The following PDGFC variants were observed in gnomAD, a reference collection of about 807,000 sequenced individuals.
The protein encoded by PDGFC is platelet-derived growth factor C.
PDGFC carries 12 observed loss-of-function variants against 35.5 expected under a neutral mutation model. The observed-to-expected ratio is 0.34, with a 90% CI of 0.22 to 0.55. The LOEUF (loss-of-function observed/expected upper bound fraction) is 0.55. Among genes scored for constraint, PDGFC ranks in the 20% least tolerant of loss-of-function variants. PDGFC has a pLI of 0.91. For missense variants in PDGFC, 322 were observed against 412.4 expected, an observed-to-expected ratio of 0.78 and a Z score of 1.90; for synonymous variants, 159 against 148.8, an observed-to-expected ratio of 1.07 and a Z score of -0.50.
At chr4:156,878,661 T>A (rs1029897476) in intron 1 of PDGFC, among the ~76,000 whole-genome samples, 3 of 152,156 alleles carry the variant, frequency 2.0e-5, no homozygotes, top group Non-Finnish European at 4.4e-5. Flanking sequence ...TATACTCCAA[T>A]GAGAATTTCC....
intron 1 of PDGFC, among the ~76,000 whole-genome samples, chr4:156,955,420 G>C (rs191462782): frequency 7.4e-4 from 112 of 152,110 alleles, no homozygotes; most frequent in African/African-American, 2.7e-3. Context: ...AACTACGTGA[G>C]GTGATGGATA....
chr4:156,918,245 A>G (rs999167121), intron 1 of PDGFC, among the ~76,000 whole-genome samples: 2 of 152,242 alleles, frequency 1.3e-5, no homozygotes, highest in African/African-American at 4.8e-5. Flanking sequence ...TTTAAATTAA[A>G]TTCTCACTCA....
chr4:156,860,044 C>T (rs1201661405), intron 1 of PDGFC, among the ~76,000 whole-genome samples: 1 of 152,066 alleles, frequency 6.6e-6, no homozygotes, highest in Non-Finnish European at 1.5e-5. Context: ...GACAGTGGTA[C>T]TAAAAGAGGA....
intron 1 of PDGFC, among the ~76,000 whole-genome samples, chr4:156,969,133 T>C (rs1177373667): frequency 2.0e-5 from 3 of 152,068 alleles, no homozygotes; most frequent in Non-Finnish European, 4.4e-5. Context: ...ACAGGAACAA[T>C]AAAAAACAGA....
At chr4:156,777,459 A>G (rs1026134195) in intron 3 of PDGFC, among the ~76,000 whole-genome samples, 9 of 152,168 alleles carry the variant, frequency 5.9e-5, no homozygotes, top group African/African-American at 1.9e-4. Flanking sequence ...ACCCTAATCT[A>G]ACATGATTGG....
At chr4:156,921,900 C>T (rs1417896844) in intron 1 of PDGFC, among the ~76,000 whole-genome samples, 2 of 152,170 alleles carry the variant, frequency 1.3e-5, no homozygotes, top group Admixed American at 1.3e-4. Context: ...TGACAACACA[C>T]ACACACACAA....
chr4:156,926,049 C>CA (rs397707839), intron 1 of PDGFC, among the ~76,000 whole-genome samples: 34,176 of 67,628 alleles, frequency 0.51, 8,455 homozygotes, highest in Non-Finnish European at 0.56. Flanking sequence ...AGATCTGTCT[C>CA]AAAAAAAAAA....
At chr4:156,827,623 T>C (rs1194823988) in intron 2 of PDGFC, among the ~76,000 whole-genome samples, 1 of 152,126 alleles carries the variant, frequency 6.6e-6, no homozygotes, top group East Asian at 1.9e-4. Flanking sequence ...TCTTAGTTTT[T>C]TTTTTCTTGT....
chr4:156,868,299 A>T (rs1218866619), intron 1 of PDGFC, among the ~76,000 whole-genome samples: 1 of 152,238 alleles, frequency 6.6e-6, no homozygotes, highest in African/African-American at 2.4e-5. Flanking sequence ...TATTTATGTA[A>T]TGCAAAATTA....
intron 2 of PDGFC, among the ~76,000 whole-genome samples, chr4:156,826,432 A>G (rs546900114): frequency 1.3e-5 from 2 of 151,968 alleles, no homozygotes; most frequent in African/African-American, 4.8e-5. Flanking sequence ...TGAACTCCTG[A>G]CCTCAGGTGG....
Position 156,846,056 on chromosome 4 carries a change from A to G in PDGFC, c.314+4165T>C, listed in dbSNP as rs115883593. On this transcript the variant is annotated intron_variant, in intron 2 of 5. Transcript: ENST00000502773. ...ACACATTGTGAAAATACTAATGACAATAAAACTGAAAACTTCAAAAAAATG... is the reference window on the plus strand; with the variant it reads ...ACACATTGTGAAAATACTAATGACAGTAAAACTGAAAACTTCAAAAAAATG... Among the ~76,000 whole-genome samples, 396 of 151,938 alleles carry G rather than the reference A, an allele frequency of 2.6e-3. 1 individual carries two copies. The highest frequency in any genetic ancestry group is 9.1e-3 in the African/African-American group (376 of 41,530).
chr4:156,943,271 G>A (rs573050137), intron 1 of PDGFC, among the ~76,000 whole-genome samples: 1 of 152,178 alleles, frequency 6.6e-6, no homozygotes, highest in African/African-American at 2.4e-5. Context: ...TCTCTGAGAA[G>A]CTCTGTTAAA....
intron 3 of PDGFC, among the ~76,000 whole-genome samples, chr4:156,804,650 T>A (rs780888279): frequency 6.6e-6 from 1 of 152,046 alleles, no homozygotes; most frequent in Non-Finnish European, 1.5e-5. Context: ...GGAGATATTA[T>A]ATACATCTTT....
chr4:156,871,207 G>A (rs990279248), intron 1 of PDGFC, among the ~76,000 whole-genome samples: 2 of 152,062 alleles, frequency 1.3e-5, no homozygotes, highest in Non-Finnish European at 2.9e-5. Flanking sequence ...AAGTGCGCAA[G>A]AAACTCCTTG....
chr4:156,926,477 G>T (rs990110737), intron 1 of PDGFC, among the ~76,000 whole-genome samples: 1 of 152,120 alleles, frequency 6.6e-6, no homozygotes, highest in African/African-American at 2.4e-5. Context: ...GTGAGGACAG[G>T]CACTCCTATT....
At chr4:156,906,075 G>A (rs1395008283) in intron 1 of PDGFC, among the ~76,000 whole-genome samples, 2 of 152,082 alleles carry the variant, frequency 1.3e-5, no homozygotes, top group African/African-American at 4.8e-5. Context: ...ATGTATATAT[G>A]TTATAGATGA....
chr4:156,871,424 T>G (rs1489285165), intron 1 of PDGFC, among the ~76,000 whole-genome samples: 1 of 152,092 alleles, frequency 6.6e-6, no homozygotes, highest in East Asian at 1.9e-4. Flanking sequence ...CAAATTTGAC[T>G]GAAGATAAGA....
chr4:156,772,807 A>T lies in PDGFC; in HGVS notation c.582T>A (p.Ser194Arg), dbSNP rs756407673. ...GATATCGAATAAGGTCTTCCAAGGT[A>T]CTAAAGGCAGTTATAGCATTATTAA... The part of the protein sequence containing the change: ...DLLNNAITAF[S>R]TLEDLIRYLE... The change falls in exon 4 of 6, where the codon AGT (serine) becomes AGA (arginine). Residue 194 changes from serine (S) to arginine (R), a missense_variant. Physicochemically the swap from Ser to Arg is moderately radical, Grantham distance 110. This residue lies in a region of PDGFC where 202 missense variants were observed against 295.9 expected (regional missense o/e 0.68). Transcript: ENST00000502773. 56 of 1,612,878 alleles carry T rather than the reference A, an allele frequency of 3.5e-5. No individual in the cohort carries two copies. Among genetic ancestry groups the T allele is most frequent in the Non-Finnish European group, 4.6e-5 (54 of 1,179,052 alleles).
At chr4:156,946,627 A>T (rs961321791) in intron 1 of PDGFC, among the ~76,000 whole-genome samples, 13 of 152,028 alleles carry the variant, frequency 8.6e-5, no homozygotes, top group African/African-American at 2.9e-4. Context: ...TCTATTTATC[A>T]TCAAGACCAC....
Sources: gnomAD v4.1 joint callset for allele counts (sites outside exome capture counted in the v4.1 genomes callset) on GRCh38, gnomAD v4.1.1 for gene constraint, gnomAD v4.1.1 regional missense constraint, MANE v1.5 for transcripts, NCBI Gene and HGNC (gene_info 2026-07-23, HGNC 2026-07-21) for gene names.